The following CAPZA1 variants were observed in gnomAD, a reference collection of about 807,000 sequenced individuals.
The protein encoded by CAPZA1 is F-actin-capping protein subunit alpha-1.
CAPZA1 carries 10 observed loss-of-function variants against 40.8 expected under a neutral mutation model. The ratio of observed to expected loss-of-function variants is 0.25; its 90% confidence interval spans 0.15 to 0.42. CAPZA1 has a LOEUF of 0.42. CAPZA1 is among the 10% of genes least tolerant of loss of function. The pLI, the probability that CAPZA1 is intolerant of heterozygous loss-of-function variation, is 1.00. For missense variants in CAPZA1, 277 were observed against 353.8 expected, an observed-to-expected ratio of 0.78 and a Z score of 1.74; for synonymous variants, 98 against 115.0, an observed-to-expected ratio of 0.85 and a Z score of 0.95.
At chr1:112,635,704 G>C (rs1368702141) in intron 1 of CAPZA1, among the ~76,000 whole-genome samples, 1 of 152,094 alleles carries the variant, frequency 6.6e-6, no homozygotes, top group Non-Finnish European at 1.5e-5. Flanking sequence ...TTATAGGTGT[G>C]AGCCACCGTG....
At chr1:112,632,454 G>A (rs1326730754) in intron 1 of CAPZA1, among the ~76,000 whole-genome samples, 1 of 152,124 alleles carries the variant, frequency 6.6e-6, no homozygotes, top group African/African-American at 2.4e-5. Context: ...CATGCTGAAG[G>A]CAGTTCAAAG....
chr1:112,650,378 GC>G (rs1410543164), intron 3 of CAPZA1, among the ~76,000 whole-genome samples: 18 of 152,146 alleles, frequency 1.2e-4, no homozygotes, highest in African/African-American at 3.9e-4. Flanking sequence ...AATTTGCACA[GC>G]TTTACTGTAA....
chr1:112,654,719 A>C, intron 5 of CAPZA1, 48 bp downstream of exon 5: 1 of 1,310,092 alleles, frequency 7.6e-7, no homozygotes, highest in Non-Finnish European at 1.1e-6. Context: ...TCTTATATTT[A>C]CCTTATCCTT....
chr1:112,669,883 C>T, intron 9 of CAPZA1, 109 bp from the exon 10 acceptor site: 1 of 1,186,170 alleles, frequency 8.4e-7, no homozygotes, highest in Non-Finnish European at 1.2e-6. Context: ...TATATCCTGT[C>T]TATCCTTCAC....
chr1:112,662,817 C>G (rs771287398), intron 7 of CAPZA1, among the ~76,000 whole-genome samples: 1 of 152,112 alleles, frequency 6.6e-6, no homozygotes, highest in African/African-American at 2.4e-5. Context: ...TCTTTATTCT[C>G]GAACAAAAAG....
chr1:112,624,023 A>AAAAAAG (rs1557724999), intron 1 of CAPZA1, among the ~76,000 whole-genome samples: 11 of 150,024 alleles, frequency 7.3e-5, no homozygotes, highest in African/African-American at 2.0e-4. Flanking sequence ...AAAAAAAAGA[A>AAAAAAG]AAAAGAAAAG....
At chr1:112,664,843 G>A (rs965810253) in intron 7 of CAPZA1, among the ~76,000 whole-genome samples, 1 of 152,188 alleles carries the variant, frequency 6.6e-6, no homozygotes, top group Non-Finnish European at 1.5e-5. Flanking sequence ...TCTGAGGCAG[G>A]AGAATCACTT....
At position 112,669,614 on chromosome 1, in the gene CAPZA1, A is replaced by G. The variant is rs931109856; in HGVS notation, c.720+9A>G. The G allele has an allele frequency of 1.3e-6, 2 of 1,575,338 alleles. No homozygotes were observed. Among genetic ancestry groups the G allele is most frequent in the Admixed American group, 3.4e-5 (2 of 59,518 alleles). On this transcript the variant is annotated intron_variant, in intron 9 of 9. Coordinates refer to ENST00000263168, the MANE Select transcript of CAPZA1 (RefSeq NM_006135.3). ...CAGAAAATGAGTATCAGGTAAGAAG[A>G]TTTGGAGTTAATTTTCCTAGATCTA...
chr1:112,629,887 T>C (rs1670887691), intron 1 of CAPZA1, among the ~76,000 whole-genome samples: 1 of 152,130 alleles, frequency 6.6e-6, no homozygotes, highest in Non-Finnish European at 1.5e-5. Flanking sequence ...CCACCCTATC[T>C]AAAGTACTTT....
At chr1:112,620,059 G>A in intron 1 of CAPZA1, 176 bp downstream of exon 1, 1 of 564,196 alleles carries the variant, frequency 1.8e-6, no homozygotes, top group African/African-American at 1.9e-5. Flanking sequence ...CTGCCTCACG[G>A]TGGCCCCAGT....
At chr1:112,622,232 T>A (rs1186926312) in intron 1 of CAPZA1, among the ~76,000 whole-genome samples, 1 of 152,222 alleles carries the variant, frequency 6.6e-6, no homozygotes, top group African/African-American at 2.4e-5. Flanking sequence ...TAAATATTTA[T>A]GTAAAAGCTA....
chr1:112,664,043 G>T (rs1247518098), intron 7 of CAPZA1, among the ~76,000 whole-genome samples: 2 of 151,738 alleles, frequency 1.3e-5, no homozygotes, highest in Non-Finnish European at 2.9e-5. Flanking sequence ...ACCAGCCTGG[G>T]CAACACAGTG....
At chr1:112,645,236 AT>A (rs1329424150) in intron 1 of CAPZA1, among the ~76,000 whole-genome samples, 3 of 152,226 alleles carry the variant, frequency 2.0e-5, no homozygotes, top group Non-Finnish European at 4.4e-5. Context: ...TCAGAGCACC[AT>A]TTATGGAAAA....
At chr1:112,660,576 G>A (rs1424422296) in intron 7 of CAPZA1, among the ~76,000 whole-genome samples, 1 of 152,024 alleles carries the variant, frequency 6.6e-6, no homozygotes, top group African/African-American at 2.4e-5. Context: ...CACTGCACCT[G>A]GCCCAGAAGT....
intron 7 of CAPZA1, among the ~76,000 whole-genome samples, chr1:112,666,188 CT>C (rs1051047668): frequency 2.6e-5 from 4 of 152,270 alleles, no homozygotes; most frequent in African/African-American, 9.6e-5. Flanking sequence ...TGCCACACTC[CT>C]TTTTTACACA....
rs1445405191 is a variant in CAPZA1, at chr1:112,670,429, A to G, written c.*297A>G. 3.9e-6 allele frequency: 1 copy of G among 256,494 alleles called. No individual in the cohort carries two copies. The highest frequency in any genetic ancestry group is 6.5e-5 in the Admixed American group (1 of 15,500). 15.9% of individuals were successfully genotyped at this position (256,494 alleles called of 1,614,324 possible). ...GTTGGTGAGAGAGTGATCTATCCTA[A>G]TGACATTTTACTGTTTAAAAAAGTT... On this transcript the variant is annotated 3_prime_UTR_variant, in exon 10 of 10. Coordinates refer to ENST00000263168, the MANE Select transcript of CAPZA1 (RefSeq NM_006135.3).
chr1:112,659,646 A>G, intron 6 of CAPZA1, 55 bp from the exon 7 acceptor site: 1 of 1,382,242 alleles, frequency 7.2e-7, no homozygotes, highest in Non-Finnish European at 1.0e-6. Context: ...GTGGCAAATC[A>G]CCTCTTTCTT....
chr1:112,661,415 C>T (rs771091361), intron 7 of CAPZA1, among the ~76,000 whole-genome samples: 25 of 152,306 alleles, frequency 1.6e-4, no homozygotes, highest in African/African-American at 5.5e-4. Flanking sequence ...TGCTCATAAA[C>T]GTACCTCTAA....
At chr1:112,657,127 C>G (rs1671514188) in intron 5 of CAPZA1, among the ~76,000 whole-genome samples, 1 of 152,008 alleles carries the variant, frequency 6.6e-6, no homozygotes, top group Admixed American at 6.6e-5. Flanking sequence ...GTCTTGAACT[C>G]CTGACCTTGT....
Sources: allele counts gnomAD v4.1 joint callset (sites outside exome capture counted in the v4.1 genomes callset), GRCh38; gene constraint gnomAD v4.1.1; transcripts MANE v1.5; gene names NCBI Gene and HGNC (gene_info 2026-07-23, HGNC 2026-07-21).